RNF150: variants seen among roughly 807,000 people sequenced by gnomAD.
RNF150 encodes ring finger protein 150.
RNF150 carries 24 observed loss-of-function variants against 39.3 expected under a neutral mutation model. That is an observed-to-expected ratio of 0.61 (90% CI 0.44 to 0.86). The LOEUF (loss-of-function observed/expected upper bound fraction) is 0.86, where lower values mean the gene tolerates loss of function less well. Among genes scored for constraint, RNF150 ranks in the 40% least tolerant of loss-of-function variants. The pLI is 0.00. For synonymous variants in RNF150, 255 were observed against 227.3 expected, an observed-to-expected ratio of 1.12 and a Z score of -1.10; for missense variants, 502 against 587.8, an observed-to-expected ratio of 0.85 and a Z score of 1.51.
intron 1 of RNF150, among the ~76,000 whole-genome samples, chr4:141,147,077 C>T (rs942136579): frequency 2.0e-5 from 3 of 152,154 alleles, no homozygotes; most frequent in Admixed American, 2.0e-4. Flanking sequence ...ACCTCAGCAT[C>T]CCGAGTAGCT....
At chr4:141,012,841 T>A (rs1359964167) in intron 1 of RNF150, among the ~76,000 whole-genome samples, 1 of 146,994 alleles carries the variant, frequency 6.8e-6, no homozygotes, top group African/African-American at 2.5e-5. Context: ...TATTCCCACC[T>A]TCAATTGCCA....
At chr4:141,113,224 T>C (rs1245988669) in intron 1 of RNF150, among the ~76,000 whole-genome samples, 3 of 151,672 alleles carry the variant, frequency 2.0e-5, no homozygotes, top group Non-Finnish European at 4.4e-5. Context: ...AGCCTACTTC[T>C]GTCAATTTGT....
intron 2 of RNF150, among the ~76,000 whole-genome samples, chr4:140,966,432 TGAG>T (rs1733246935): frequency 1.3e-5 from 2 of 152,034 alleles, no homozygotes; most frequent in Non-Finnish European, 2.9e-5. Context: ...AATGACAAGC[TGAG>T]GGGTGGTGAG....
rs1347953144 is a variant in RNF150, at chr4:141,132,085, T to A, written c.484+240A>T. Among the ~76,000 whole-genome samples, 2 of 152,174 alleles carry A rather than the reference T, an allele frequency of 1.3e-5. No individual in the cohort carries two copies. Among genetic ancestry groups the A allele is most frequent in the Admixed American group, 1.3e-4 (2 of 15,276 alleles). On this transcript the variant is annotated intron_variant, in intron 1 of 6. Coordinates refer to ENST00000515673, the MANE Select transcript of RNF150 (RefSeq NM_020724.2). This position sits in a 1 kb window ranked among gnomAD's most constrained non-coding sequence, Gnocchi z 4.9. Reference sequence around the variant, plus strand: ...AAGTTAGCCCGCCACGTTGAACCCCTGTCCAAGCGGCGCTATGCCAAGCTC... The same window carrying A: ...AAGTTAGCCCGCCACGTTGAACCCCAGTCCAAGCGGCGCTATGCCAAGCTC...
intron 4 of RNF150, among the ~76,000 whole-genome samples, chr4:140,930,907 G>A (rs1017410721): frequency 1.4e-5 from 2 of 145,148 alleles, no homozygotes; most frequent in East Asian, 2.1e-4. Flanking sequence ...CACTGTTAAC[G>A]ACAATGGAAA....
intron 1 of RNF150, among the ~76,000 whole-genome samples, chr4:141,047,440 T>C (rs1452601654): frequency 6.6e-6 from 1 of 152,082 alleles, no homozygotes; most frequent in Non-Finnish European, 1.5e-5. Context: ...CCAGAACTGA[T>C]CAAAGACAGA....
intron 1 of RNF150, among the ~76,000 whole-genome samples, chr4:141,098,645 A>G (rs547556374): frequency 6.6e-6 from 1 of 152,198 alleles, no homozygotes; most frequent in Non-Finnish European, 1.5e-5. Context: ...TCTATTATAC[A>G]TATCTAATCT....
chr4:141,099,802 A>T (rs780546853), intron 1 of RNF150, among the ~76,000 whole-genome samples: 2 of 151,958 alleles, frequency 1.3e-5, no homozygotes, highest in Admixed American at 6.6e-5. Context: ...TAAAAAAAAA[A>T]CCTTTAAGAA....
At chr4:140,912,071 A>C (rs535667247) in intron 5 of RNF150, among the ~76,000 whole-genome samples, 1 of 152,330 alleles carries the variant, frequency 6.6e-6, no homozygotes, top group African/African-American at 2.4e-5. Context: ...AATATCATTG[A>C]CAGCTTCCCT....
intron 1 of RNF150, among the ~76,000 whole-genome samples, chr4:141,174,959 G>A (rs974616249): frequency 1.3e-5 from 2 of 151,394 alleles, no homozygotes; most frequent in Non-Finnish European, 2.9e-5. Context: ...TGCAATGGCA[G>A]CCTTAGCAGG....
chr4:141,124,125 C>T lies in RNF150; in HGVS notation c.484+8200G>A, dbSNP rs141655990. Among the ~76,000 whole-genome samples, 345 of 152,310 alleles carry T rather than the reference C, an allele frequency of 2.3e-3. 5 individuals carry two copies. The highest frequency in any genetic ancestry group is 7.8e-3 in the African/African-American group (325 of 41,578). ...TGTGCTCAGCCCTCTCTTGCTGAGG[C>T]GCCCCACTGCACTCTTCTGCTGCTT... On this transcript the variant is annotated intron_variant, in intron 1 of 6. Transcript: ENST00000515673.
chr4:140,938,633 C>G (rs1578986194), intron 4 of RNF150, among the ~76,000 whole-genome samples: 2 of 152,152 alleles, frequency 1.3e-5, no homozygotes, highest in South Asian at 4.1e-4. Flanking sequence ...TGTGCTGTCA[C>G]CTACATTAGC....
chr4:140,956,169 G>C (rs1732745238), intron 2 of RNF150, among the ~76,000 whole-genome samples: 1 of 152,158 alleles, frequency 6.6e-6, no homozygotes, highest in Non-Finnish European at 1.5e-5. Context: ...CCCAGTCCTT[G>C]TGTCTGAGAT....
At chr4:140,924,277 T>G (rs1731294348) in intron 5 of RNF150, among the ~76,000 whole-genome samples, 1 of 152,134 alleles carries the variant, frequency 6.6e-6, no homozygotes. Flanking sequence ...ATCTTGGAAA[T>G]AAGAGAAAAG....
At chr4:140,999,975 GA>G (rs777595439) in intron 1 of RNF150, among the ~76,000 whole-genome samples, 2 of 41,828 alleles carry the variant, frequency 4.8e-5, no homozygotes, top group Non-Finnish European at 1.1e-4. Context: ...AGAAGAAGAA[GA>G]AAAGAAGAAA....
intron 1 of RNF150, among the ~76,000 whole-genome samples, chr4:141,018,281 T>C (rs1160044486): frequency 1.3e-5 from 2 of 152,184 alleles, no homozygotes; most frequent in Non-Finnish European, 2.9e-5. Context: ...GAAAGACTTC[T>C]TGTTCTTTGC....
chr4:141,061,464 A>T (rs1175475857), intron 1 of RNF150, among the ~76,000 whole-genome samples: 2 of 152,208 alleles, frequency 1.3e-5, no homozygotes, highest in Non-Finnish European at 2.9e-5. Context: ...AATTCTTGAA[A>T]ATAATCAGAC....
intron 1 of RNF150, among the ~76,000 whole-genome samples, chr4:141,058,028 A>T (rs1264329013): frequency 6.6e-6 from 1 of 152,214 alleles, no homozygotes; most frequent in Non-Finnish European, 1.5e-5. Flanking sequence ...CAGATGAAGC[A>T]AATCCATGCA....
intron 1 of RNF150, among the ~76,000 whole-genome samples, chr4:140,996,329 A>G (rs1477041836): frequency 8.5e-5 from 13 of 152,078 alleles, no homozygotes; most frequent in African/African-American, 2.7e-4. Context: ...GGATTGTTAG[A>G]TTTTTTTCCT....
Sources: allele counts gnomAD v4.1 joint callset (sites outside exome capture counted in the v4.1 genomes callset), GRCh38; gene constraint gnomAD v4.1.1; non-coding constraint Gnocchi (gnomAD v3.1); transcripts MANE v1.5; gene names NCBI Gene and HGNC (gene_info 2026-07-23, HGNC 2026-07-21).